The following SGK3 variants were observed in gnomAD, a reference collection of about 807,000 sequenced individuals.
The protein encoded by SGK3 is serum/glucocorticoid regulated kinase family member 3, also known as serine/threonine-protein kinase Sgk3.
A neutral mutation model predicts 68.5 loss-of-function variants in SGK3; 47 were observed. The observed-to-expected ratio is 0.69, with a 90% CI of 0.54 to 0.87. The LOEUF (loss-of-function observed/expected upper bound fraction) is 0.87, where lower values mean the gene tolerates loss of function less well. SGK3 is among the 40% of genes least tolerant of loss of function. The pLI, the probability that SGK3 is intolerant of heterozygous loss-of-function variation, is 0.00. For synonymous variants in SGK3, 181 were observed against 189.1 expected (o/e 0.96, Z 0.35); for missense variants, 479 against 575.5 (o/e 0.83, Z 1.72).
At chr8:66,744,452 A>G (rs2130408049) in intron 1 of SGK3, among the ~76,000 whole-genome samples, 1 of 138,268 alleles carries the variant, frequency 7.2e-6, no homozygotes, top group Non-Finnish European at 1.5e-5. Flanking sequence ...TGGTGAAATT[A>G]TCAAATATAT....
At chr8:66,767,363 A>G (rs1486393309) in intron 1 of SGK3, 1 of 1,101,574 alleles carries the variant, frequency 9.1e-7, no homozygotes, top group Non-Finnish European at 1.4e-6. Flanking sequence ...CTTTATTAAT[A>G]GAAATATACA....
intron 1 of SGK3, among the ~76,000 whole-genome samples, chr8:66,755,835 G>A (rs1414567095): frequency 6.6e-6 from 1 of 152,162 alleles, no homozygotes; most frequent in Admixed American, 6.5e-5. Context: ...GGTAAGTGTA[G>A]GCTCCTATGT....
At chr8:66,737,617 CTT>C (rs552425622) in intron 1 of SGK3, 71 of 135,776 alleles carry the variant, frequency 5.2e-4, no homozygotes, top group East Asian at 6.3e-4. Flanking sequence ...ACCCCTTTAT[CTT>C]TTTTTTTTTT....
intron 3 of SGK3, among the ~76,000 whole-genome samples, chr8:66,803,016 A>G (rs1265021683): frequency 1.3e-5 from 2 of 152,238 alleles, no homozygotes. Flanking sequence ...AAACATATAC[A>G]CAATATCATT....
At chr8:66,822,784 A>G (rs1316417538) in intron 6 of SGK3, among the ~76,000 whole-genome samples, 1 of 151,872 alleles carries the variant, frequency 6.6e-6, no homozygotes, top group Non-Finnish European at 1.5e-5. Flanking sequence ...ATGCCTGGCT[A>G]ATTTTTGCAT....
At chr8:66,777,581 T>C (rs1806762016) in intron 1 of SGK3, among the ~76,000 whole-genome samples, 1 of 152,220 alleles carries the variant, frequency 6.6e-6, no homozygotes, top group South Asian at 2.1e-4. Context: ...TACCACGTTA[T>C]TTCATCTGTC....
intron 5 of SGK3, among the ~76,000 whole-genome samples, chr8:66,820,803 T>C (rs1405753650): frequency 2.0e-5 from 3 of 152,134 alleles, no homozygotes; most frequent in Non-Finnish European, 4.4e-5. Context: ...TCCTGGGCTC[T>C]AGTGATTCCC....
chr8:66,830,339 G>C (rs1312069961), intron 7 of SGK3, among the ~76,000 whole-genome samples: 2 of 152,240 alleles, frequency 1.3e-5, no homozygotes, highest in African/African-American at 4.8e-5. Context: ...TCAAAGAGCA[G>C]GTTTTTGAAG....
At chr8:66,713,533 G>A (rs1804551344) in intron 1 of SGK3, among the ~76,000 whole-genome samples, 1 of 152,190 alleles carries the variant, frequency 6.6e-6, no homozygotes, top group Admixed American at 6.5e-5. Context: ...GTGCACTTGG[G>A]TGCAAAATAA....
Position 66,740,947 on chromosome 8 carries a change from A to G in SGK3, c.-122+28114A>G, listed in dbSNP as rs1270365610. On this transcript the variant is annotated intron_variant, in intron 1 of 16. Transcript: ENST00000521198. ...AAAAAAAAAAGTAGGCTGAAGAACA[A>G]TGGAGGAAAAAATTTCCCCCATTCC... 9.2e-5 allele frequency among the ~76,000 whole-genome samples: 14 copies of G among 151,576 alleles called. No homozygotes were observed. In the South Asian group the frequency reaches 1.9e-3, roughly 20 times the overall value.
intron 1 of SGK3, among the ~76,000 whole-genome samples, chr8:66,756,512 T>C (rs953719490): frequency 6.6e-6 from 1 of 151,212 alleles, no homozygotes; most frequent in Non-Finnish European, 1.5e-5. Context: ...CAAATCCTTT[T>C]AAGTTATGGG....
intron 4 of SGK3, among the ~76,000 whole-genome samples, chr8:66,812,561 GAAAA>G (rs1306196268): frequency 7.9e-6 from 1 of 126,452 alleles, no homozygotes; most frequent in Admixed American, 7.9e-5. Context: ...TTGTCTCAAA[GAAAA>G]AAAAAAAAGA....
At chr8:66,810,139 C>CATAT (rs1480229291) in intron 4 of SGK3, among the ~76,000 whole-genome samples, 1 of 151,994 alleles carries the variant, frequency 6.6e-6, no homozygotes, top group African/African-American at 2.4e-5. Context: ...AATTTATAGA[C>CATAT]ATTATGAGAT....
chr8:66,749,932 G>GGGGT (rs1805762366), intron 1 of SGK3, among the ~76,000 whole-genome samples: 1 of 144,834 alleles, frequency 6.9e-6, no homozygotes, highest in African/African-American at 2.5e-5. Context: ...TAGTTTCTAG[G>GGGGT]GTGTGTGTGT....
intron 1 of SGK3, among the ~76,000 whole-genome samples, chr8:66,763,533 C>T (rs1203636573): frequency 6.6e-6 from 1 of 152,100 alleles, no homozygotes; most frequent in African/African-American, 2.4e-5. Flanking sequence ...ATTTAGGGAC[C>T]ATAATCTTGG....
intron 1 of SGK3, among the ~76,000 whole-genome samples, chr8:66,763,502 T>C (rs530285578): frequency 6.6e-6 from 1 of 152,286 alleles, no homozygotes; most frequent in East Asian, 1.9e-4. Flanking sequence ...CAAGGAGCCC[T>C]AGTTCATATT....
At chr8:66,808,796 G>A (rs1808265778) in intron 4 of SGK3, among the ~76,000 whole-genome samples, 1 of 151,308 alleles carries the variant, frequency 6.6e-6, no homozygotes, top group South Asian at 2.1e-4. Flanking sequence ...ACAGGCGTGA[G>A]CCACTGCACT....
chr8:66,746,975 G>A (rs1466177548), intron 1 of SGK3, among the ~76,000 whole-genome samples: 3 of 151,986 alleles, frequency 2.0e-5, no homozygotes, highest in East Asian at 3.8e-4. Flanking sequence ...CCTGATGGAA[G>A]TATTCACTGG....
chr8:66,718,906 CT>C (rs1449097962), intron 1 of SGK3, among the ~76,000 whole-genome samples: 4 of 152,088 alleles, frequency 2.6e-5, no homozygotes, highest in African/African-American at 7.2e-5. Flanking sequence ...ATGCATGCAT[CT>C]TTCCCCCCCG....
Sources: gnomAD v4.1 joint callset for allele counts (sites outside exome capture counted in the v4.1 genomes callset) on GRCh38, gnomAD v4.1.1 for gene constraint, MANE v1.5 for transcripts, NCBI Gene and HGNC (gene_info 2026-07-23, HGNC 2026-07-21) for gene names.